Variants in HMG20A observed in about 807,000 individuals in gnomAD.
HMG20A encodes high mobility group 20A.
A neutral mutation model predicts 43.9 loss-of-function variants in HMG20A; 17 were observed. That is an observed-to-expected ratio of 0.39 (90% CI 0.27 to 0.58). The LOEUF (loss-of-function observed/expected upper bound fraction) is 0.58, where lower values mean the gene tolerates loss of function less well. Ranked by LOEUF, HMG20A falls within the 20% of genes least tolerant of loss-of-function variation. The pLI is 0.59. For missense variants in HMG20A, 341 were observed against 438.2 expected (o/e 0.78, Z 1.98); for synonymous variants, 132 against 147.5 (o/e 0.89, Z 0.76).
chr15:77,477,454 C>A (rs2072866856), intron 6 of HMG20A, 101 bp from the exon 7 acceptor site: 3 of 822,770 alleles, frequency 3.6e-6, no homozygotes, highest in African/African-American at 1.7e-5. Flanking sequence ...TCCTGCTCAC[C>A]CTATTCTTTC....
intron 1 of HMG20A, among the ~76,000 whole-genome samples, chr15:77,422,330 GT>G (rs2073372245): frequency 6.6e-6 from 1 of 152,086 alleles, no homozygotes; most frequent in Admixed American, 6.6e-5. Flanking sequence ...TTCTATAATA[GT>G]TTTTTTAAAA....
the HMG20A span, among the ~76,000 whole-genome samples, chr15:77,509,773 G>A: frequency 6.6e-6 from 1 of 151,814 alleles, no homozygotes; most frequent in African/African-American, 2.4e-5. Flanking sequence ...CAGGCATGGT[G>A]GTGCATGCCT....
the HMG20A span, among the ~76,000 whole-genome samples, chr15:77,504,121 C>T: frequency 6.6e-6 from 1 of 152,192 alleles, no homozygotes; most frequent in African/African-American, 2.4e-5. Context: ...CTTTGCTGAC[C>T]AAGAGTCCTC....
chr15:77,482,787 G>A (rs2142367649), intron 9 of HMG20A, 183 bp from the exon 10 acceptor site: 1 of 152,286 alleles, frequency 6.6e-6, no homozygotes, highest in East Asian at 1.9e-4. Context: ...CAATGAGGTT[G>A]CCTGCTTACA....
At chr15:77,427,169 G>A (rs745465948) in intron 1 of HMG20A, among the ~76,000 whole-genome samples, 3 of 152,070 alleles carry the variant, frequency 2.0e-5, no homozygotes, top group Non-Finnish European at 4.4e-5. Flanking sequence ...AGACAAAGAT[G>A]TTAGAATTTG....
intron 1 of HMG20A, among the ~76,000 whole-genome samples, chr15:77,438,747 A>G (rs1026080325): frequency 5.9e-5 from 9 of 152,146 alleles, no homozygotes; most frequent in African/African-American, 2.2e-4. Flanking sequence ...CCTGTTTACT[A>G]CCAATTTTAA....
chr15:77,441,461 A>G (rs1171303647), intron 1 of HMG20A, among the ~76,000 whole-genome samples: 1 of 152,180 alleles, frequency 6.6e-6, no homozygotes, highest in Non-Finnish European at 1.5e-5. Context: ...GTTTCTCAGT[A>G]TTCTATGTAG....
chr15:77,471,752 G>A (rs771623443), intron 5 of HMG20A, 31 bp from the exon 6 acceptor site: 8 of 1,499,890 alleles, frequency 5.3e-6, no homozygotes, highest in East Asian at 4.5e-5. Flanking sequence ...CTTTTTAAAT[G>A]TAATGTTCTC....
In HMG20A at chr15:77,479,388, A is replaced by G. The variant is rs968324112; in HGVS notation, c.*6+67A>G. ...CAAAAATAAGATGTCATCAGACTTT[A>G]TCAATACTACTAAAACCCTGGGATT... On this transcript the variant is annotated intron_variant, in intron 9 of 9. Coordinates refer to ENST00000336216, the MANE Select transcript of HMG20A (RefSeq NM_001304504.2). The G allele has an allele frequency of 3.4e-6, 5 of 1,463,376 alleles. No homozygotes were observed. In the African/African-American group the frequency reaches 5.6e-5, roughly 16 times the overall value. 90.6% of individuals were successfully genotyped at this position (1,463,376 alleles called of 1,614,324 possible).
chr15:77,431,241 T>C (rs1257348096), intron 1 of HMG20A, among the ~76,000 whole-genome samples: 1 of 152,160 alleles, frequency 6.6e-6, no homozygotes, highest in Non-Finnish European at 1.5e-5. Flanking sequence ...AGATGGAGTC[T>C]CCCTCTGTCA....
At chr15:77,475,024 G>C (rs1024176496) in intron 6 of HMG20A, among the ~76,000 whole-genome samples, 10 of 152,320 alleles carry the variant, frequency 6.6e-5, no homozygotes, top group African/African-American at 2.4e-4. Context: ...TATATCTCAT[G>C]TGAAAACTAA....
chr15:77,433,806 A>G (rs1018326896), intron 1 of HMG20A, among the ~76,000 whole-genome samples: 1 of 152,220 alleles, frequency 6.6e-6, no homozygotes, highest in African/African-American at 2.4e-5. Flanking sequence ...TAAAGATATC[A>G]TTTCTCTCCA....
At chr15:77,451,099 A>G (rs1290060426) in intron 1 of HMG20A, among the ~76,000 whole-genome samples, 1 of 152,156 alleles carries the variant, frequency 6.6e-6, no homozygotes, top group African/African-American at 2.4e-5. Flanking sequence ...TTCATAACTC[A>G]TATCTTTTTA....
At chr15:77,513,217 T>C in the HMG20A span, among the ~76,000 whole-genome samples, 1 of 152,236 alleles carries the variant, frequency 6.6e-6, no homozygotes, top group Non-Finnish European at 1.5e-5. Flanking sequence ...GAGAGCATCC[T>C]ACCTTCACTG....
chr15:77,473,197 C>T (rs2072825896), intron 6 of HMG20A, among the ~76,000 whole-genome samples: 1 of 152,156 alleles, frequency 6.6e-6, no homozygotes. Context: ...TTTTATTCTT[C>T]AGATAAATCC....
At chr15:77,458,300 G>T in intron 1 of HMG20A, 104 bp from the exon 2 acceptor site, 1 of 698,842 alleles carries the variant, frequency 1.4e-6, no homozygotes, top group Non-Finnish European at 2.5e-6. Flanking sequence ...TTTTTATTCT[G>T]TTGCTTATAT....
At chr15:77,465,655 A>G (rs1378714257) in intron 3 of HMG20A, among the ~76,000 whole-genome samples, 2 of 152,194 alleles carry the variant, frequency 1.3e-5, no homozygotes, top group Non-Finnish European at 2.9e-5. Flanking sequence ...TTGGCCCTCC[A>G]AAGTGCTGGG....
At chr15:77,508,540 G>A in the HMG20A span, among the ~76,000 whole-genome samples, 1 of 152,224 alleles carries the variant, frequency 6.6e-6, no homozygotes, top group East Asian at 1.9e-4. Context: ...CTGGTCAGTG[G>A]TGGGGGCCTG....
At chr15:77,428,347 A>G (rs2073447454) in intron 1 of HMG20A, among the ~76,000 whole-genome samples, 1 of 152,230 alleles carries the variant, frequency 6.6e-6, no homozygotes, top group South Asian at 2.1e-4. Flanking sequence ...TAGAAAGAGC[A>G]GGCAAATGGC....
Sources: allele counts gnomAD v4.1 joint callset (sites outside exome capture counted in the v4.1 genomes callset), GRCh38; gene constraint gnomAD v4.1.1; transcripts MANE v1.5; gene names NCBI Gene and HGNC (gene_info 2026-07-23, HGNC 2026-07-21).